Variants in DMD observed in about 807,000 individuals in gnomAD.
The protein encoded by DMD is mutant dystrophin.
A neutral mutation model predicts 330.1 loss-of-function variants in DMD; 63 were observed. That is an observed-to-expected ratio of 0.19 (90% CI 0.16 to 0.24). DMD has a LOEUF of 0.24. Ranked by LOEUF, DMD falls within the 10% of genes least tolerant of loss-of-function variation. The pLI is 1.00. For missense variants in DMD, 3,344 were observed against 2,684.1 expected (o/e 1.25, Z -5.43); for synonymous variants, 1,223 against 959.8 (o/e 1.27, Z -5.07).
At chrX:32,180,990 T>C (rs2096925268) in intron 44 of DMD, among the ~76,000 whole-genome samples, 1 of 111,738 alleles carries the variant, frequency 8.9e-6, no homozygotes, top group South Asian at 3.8e-4. Context: ...CCCAGGATGA[T>C]GGTTCTCCAT....
At chrX:32,728,468 A>G in intron 7 of DMD, among the ~76,000 whole-genome samples, 1 of 112,061 alleles carries the variant, frequency 8.9e-6, no homozygotes, top group South Asian at 3.7e-4. Context: ...AGTAGTTTCC[A>G]CAAAGCAGGC....
chrX:31,492,002 C>T (rs1270450530), intron 57 of DMD, among the ~76,000 whole-genome samples: 1 of 111,919 alleles, frequency 8.9e-6, no homozygotes, highest in Non-Finnish European at 1.9e-5. Flanking sequence ...TAAAAAGCAT[C>T]AGCAAAGGAT....
At chrX:31,345,330 C>A (rs949455853) in intron 61 of DMD, among the ~76,000 whole-genome samples, 14 of 111,533 alleles carry the variant, frequency 1.3e-4, no homozygotes, top group Non-Finnish European at 1.7e-4. Context: ...AAAGTTCCTT[C>A]CTCACAGCTC....
rs794727123 is a variant in DMD, at chrX:32,573,744, C to T, written c.1704+1G>A. On this transcript the variant is annotated splice_donor_variant, in intron 14 of 78. Coordinates refer to ENST00000357033, the MANE Select transcript of DMD (RefSeq NM_004006.3). LOFTEE classifies it high-confidence loss of function. ...CAGCTAGTTTCTCACACATGACACA[C>T]CTGTTCTTCAGTAAGACGTTGCCAT... 8.3e-7 allele frequency: 1 copy of T among 1,210,081 alleles called. No homozygotes were observed. The highest frequency in any genetic ancestry group is 1.1e-6 in the Non-Finnish European group (1 of 894,056).
chrX:32,047,331 T>C (rs1020124273), intron 44 of DMD, among the ~76,000 whole-genome samples: 1 of 111,512 alleles, frequency 9.0e-6, no homozygotes, highest in African/African-American at 3.3e-5. Context: ...GAAATATTTT[T>C]ACTTTGAATG....
intron 44 of DMD, among the ~76,000 whole-genome samples, chrX:31,993,303 T>C (rs1262066411): frequency 1.8e-5 from 2 of 111,906 alleles, no homozygotes; most frequent in African/African-American, 3.2e-5. Flanking sequence ...AGGTCCCTTA[T>C]CATAGGAAAG....
At chrX:31,798,618 A>G (rs769654628) in intron 50 of DMD, among the ~76,000 whole-genome samples, 1 of 111,253 alleles carries the variant, frequency 9.0e-6, no homozygotes, top group East Asian at 2.8e-4. Flanking sequence ...TTGACAACAG[A>G]CACTCTGGGA....
intron 1 of DMD, among the ~76,000 whole-genome samples, chrX:33,306,094 A>T (rs771180961): frequency 8.9e-5 from 10 of 111,856 alleles, no homozygotes; most frequent in African/African-American, 3.2e-4. Context: ...GGCACTTTTT[A>T]GCTGTAAGGC....
Position 32,365,169 on chromosome X carries a change from C to A in DMD, c.4876G>T (p.Val1626Leu), listed in dbSNP as rs776998846. Residue 1626 changes from valine to leucine, a missense_variant, in exon 35 of 79, where the codon GTG becomes TTG. Coordinates refer to ENST00000357033, the MANE Select transcript of DMD (RefSeq NM_004006.3). Reference protein sequence around the residue: ...ATQKEIEKQKVHLKSITEVGE... With the variant: ...ATQKEIEKQKLHLKSITEVGE... ...ACCTCTGTGATACTCTTCAGGTGCA[C>A]CTTCTGTTTCTCAATCTCTTTTTGA... 1 of 1,208,805 alleles carries A rather than the reference C, an allele frequency of 8.3e-7. No individual in the cohort carries two copies. The highest frequency in any genetic ancestry group is 2.2e-5 in the Admixed American group (1 of 45,505).
chrX:32,966,234 T>C (rs181963888), intron 2 of DMD, among the ~76,000 whole-genome samples: 2 of 112,140 alleles, frequency 1.8e-5, no homozygotes, highest in East Asian at 5.6e-4. Flanking sequence ...GACAACATAT[T>C]AGCTTTCATG....
At chrX:32,714,049 G>A (rs941343308) in intron 7 of DMD, among the ~76,000 whole-genome samples, 1 of 111,772 alleles carries the variant, frequency 8.9e-6, no homozygotes, top group African/African-American at 3.3e-5. Context: ...AAAATGGCAT[G>A]ATTAAATGGG....
intron 50 of DMD, among the ~76,000 whole-genome samples, chrX:31,779,061 T>A (rs1180286227): frequency 8.9e-6 from 1 of 111,878 alleles, no homozygotes; most frequent in East Asian, 2.8e-4. Flanking sequence ...CTGAGCAACC[T>A]GTTCACAGTT....
intron 54 of DMD, among the ~76,000 whole-genome samples, chrX:31,628,530 T>C (rs1302062030): frequency 8.9e-6 from 1 of 111,773 alleles, no homozygotes; most frequent in Non-Finnish European, 1.9e-5. Context: ...ATAATTATTG[T>C]GTTAGTTTCA....
At chrX:32,441,815 T>C (rs925379556) in intron 27 of DMD, among the ~76,000 whole-genome samples, 16 of 111,607 alleles carry the variant, frequency 1.4e-4, no homozygotes, top group Non-Finnish European at 2.8e-4. Flanking sequence ...ATCTAAGACT[T>C]CTTTAAAGTG....
At chrX:31,193,239 T>C (rs954716220) in intron 67 of DMD, among the ~76,000 whole-genome samples, 1 of 112,593 alleles carries the variant, frequency 8.9e-6, no homozygotes, top group African/African-American at 3.2e-5. Flanking sequence ...CATAAAAGGA[T>C]TGGTTAATAT....
rs761584148 is a variant in DMD, at chrX:32,815,514, T to TACACAC, written c.530+953_530+954insGTGTGT. 1.2e-3 allele frequency among the ~76,000 whole-genome samples: 73 copies of TACACAC among 62,928 alleles called. 1 individual carries two copies. The highest frequency in any genetic ancestry group is 4.5e-3 in the African/African-American group (70 of 15,396). 54.6% of individuals were successfully genotyped at this position (62,928 alleles called of 115,157 possible). On this transcript the variant is annotated intron_variant, in intron 6 of 78. Coordinates refer to ENST00000357033, the MANE Select transcript of DMD (RefSeq NM_004006.3). The stretch of plus-strand genomic sequence containing the variant: ...ACAAGCATATATATATATATATATA[T>TACACAC]ATATATACACACACACACACACATA...
chrX:32,361,577 G>T (rs1328127235), intron 37 of DMD, among the ~76,000 whole-genome samples: 1 of 111,627 alleles, frequency 9.0e-6, no homozygotes, highest in Non-Finnish European at 1.9e-5. Context: ...TGTGTCTCAT[G>T]CATACAAGCT....
intron 18 of DMD, among the ~76,000 whole-genome samples, chrX:32,512,001 T>C (rs1346939806): frequency 1.8e-5 from 2 of 111,839 alleles, no homozygotes; most frequent in Non-Finnish European, 3.8e-5. Context: ...TGAGTGATTA[T>C]TGTGGGCTCA....
chrX:31,968,420 G>T lies in DMD; in HGVS notation c.6533C>A (p.Ala2178Asp). ...EIIQQSSKTD[A>D]SILQEKLGSL... is the part of the protein sequence containing the mutation. ...TCCCAATTTTTCCTGTAGAATACTG[G>T]CATCTGTTTTTGAGGATTGCTGAAT... The change falls in exon 45 of 79, where the codon GCC becomes GAC. Residue 2178 changes from alanine to aspartate, a missense_variant. By Grantham distance (126) the Ala-to-Asp change is moderately radical. Coordinates refer to ENST00000357033, the MANE Select transcript of DMD (RefSeq NM_004006.3). 1 of 1,210,424 alleles carries T rather than the reference G, an allele frequency of 8.3e-7. No individual in the cohort carries two copies. The highest frequency in any genetic ancestry group is 1.1e-6 in the Non-Finnish European group (1 of 894,661).
Sources: allele counts gnomAD v4.1 joint callset (sites outside exome capture counted in the v4.1 genomes callset), GRCh38; gene constraint gnomAD v4.1.1; transcripts MANE v1.5; gene names NCBI Gene and HGNC (gene_info 2026-07-23, HGNC 2026-07-21).